Variants in PPP1R3B observed in about 807,000 individuals in gnomAD.
PPP1R3B encodes PP1 subunit R4.
In PPP1R3B, 8 loss-of-function variants were observed where a neutral mutation model predicts 14.6. The observed-to-expected ratio is 0.55, with a 90% CI of 0.32 to 0.99. The LOEUF is 0.99. Ranked by LOEUF, PPP1R3B falls within the 50% of genes least tolerant of loss-of-function variation. PPP1R3B has a pLI of 0.04. For missense variants in PPP1R3B, 452 were observed against 360.1 expected (o/e 1.26, Z -2.07); for synonymous variants, 169 against 142.0 (o/e 1.19, Z -1.35).
chr8:9,147,056 C>G (rs1230802421), intron 1 of PPP1R3B, among the ~76,000 whole-genome samples: 2 of 151,758 alleles, frequency 1.3e-5, no homozygotes, highest in African/African-American at 2.4e-5. Flanking sequence ...AATCTCAGCT[C>G]ACTGCAACCT....
intron 1 of PPP1R3B, chr8:9,145,184 C>T (rs1379625089): frequency 1.3e-5 from 2 of 151,884 alleles, no homozygotes; most frequent in Non-Finnish European, 2.9e-5. Flanking sequence ...TAAAATTGTA[C>T]ATAGAAACTA....
At position 9,140,587 on chromosome 8, in the gene PPP1R3B, G is replaced by A. The variant is rs1801040535; in HGVS notation, c.*207C>T. The A allele has an allele frequency of 1.1e-5, 7 of 612,018 alleles. No homozygotes were observed. The South Asian group carries it at 1.2e-4, about 11-fold the overall frequency. The allele number at this position is 612,018 out of a possible 1,614,324, so 37.9% of individuals were successfully genotyped here. A position where few individuals can be genotyped will look rare whatever the true frequency, so the allele number is the denominator to read the frequency against. On this transcript the variant is annotated 3_prime_UTR_variant, in exon 2 of 2. Coordinates refer to ENST00000310455, the MANE Select transcript of PPP1R3B (RefSeq NM_024607.4). ...GTGCGAAAGCGCGCCAGCCACCACTGCTCCTTTGAGTGAGACACTGGTTGT... is the reference window on the plus strand; with the variant it reads ...GTGCGAAAGCGCGCCAGCCACCACTACTCCTTTGAGTGAGACACTGGTTGT...
rs1015265892 is a variant in PPP1R3B at position 9,138,348 on chromosome 8, A to T, written c.*2446T>A. ...AAATTATAACATCATGTCATCCTAG[A>T]GTGTTACCCACCTGGGAGAGGTACA... On this transcript the variant is annotated 3_prime_UTR_variant, in exon 2 of 2. Transcript: ENST00000310455. 6 of 152,232 alleles carry T rather than the reference A, an allele frequency of 3.9e-5. No homozygotes were observed. The highest frequency in any genetic ancestry group is 8.8e-5 in the Non-Finnish European group (6 of 68,042). The allele number at this position is 152,232 out of a possible 1,614,324, so 9.4% of individuals were successfully genotyped here.
chr8:9,151,011 G>A (rs921750295), upstream of PPP1R3B, among the ~76,000 whole-genome samples: 6 of 152,088 alleles, frequency 3.9e-5, no homozygotes, highest in African/African-American at 1.4e-4. Flanking sequence ...CCGGGGCTGG[G>A]AACTTGTGCT....
At chr8:9,143,080 C>T (rs1471171083) in intron 1 of PPP1R3B, among the ~76,000 whole-genome samples, 1 of 152,136 alleles carries the variant, frequency 6.6e-6, no homozygotes, top group Non-Finnish European at 1.5e-5. Flanking sequence ...TGAGGAGCCT[C>T]CCTACTATTT....
chr8:9,141,297 C>T lies in PPP1R3B; in HGVS notation c.355G>A (p.Ala119Thr), dbSNP rs771689160. ...SFVLDFSQPS[A>T]DYLDFRNRLQ... is the part of the protein sequence containing the mutation. ...CGATTTCTAAAGTCTAAGTAATCTG[C>T]AGAGGGCTGGGAAAAATCCAGAACA... is the stretch of plus-strand genomic sequence containing the variant. Residue 119 changes from alanine (A) to threonine (T), a missense_variant, in exon 2 of 2, where the codon GCA (alanine) becomes ACA (threonine). By Grantham distance (58) the Ala-to-Thr change is moderately conservative. Transcript: ENST00000310455. 5.6e-6 allele frequency: 9 copies of T among 1,614,128 alleles called. No individual in the cohort carries two copies. The Admixed American group carries it at 1.5e-4, about 27-fold the overall frequency.
intron 1 of PPP1R3B, among the ~76,000 whole-genome samples, chr8:9,149,461 G>T (rs977192860): frequency 6.6e-6 from 1 of 152,086 alleles, no homozygotes; most frequent in African/African-American, 2.4e-5. Flanking sequence ...CAGAGATGGC[G>T]CCACTGCACT....
chr8:9,147,401 A>C (rs1331188488), intron 1 of PPP1R3B, among the ~76,000 whole-genome samples: 1 of 152,142 alleles, frequency 6.6e-6, no homozygotes, highest in Non-Finnish European at 1.5e-5. Flanking sequence ...GAACTGAGGG[A>C]GGAAGGGTTC....
Position 9,140,853 on chromosome 8 carries a change from CAT to C in PPP1R3B, c.797_798del (p.Tyr266TrpfsTer13), listed in dbSNP as rs1801052123. 1 of 1,614,132 alleles carries C rather than the reference CAT, an allele frequency of 6.2e-7. No homozygotes were observed. ...FDQFGSPRCS[Y>X]GLFPEWPSYL... Reference sequence around the variant, plus strand: ...TAACTTGGCCACTCTGGAAACAGACCATAGGAACACCGAGGGCTTCCGAACTG... The same window carrying C: ...TAACTTGGCCACTCTGGAAACAGACCAGGAACACCGAGGGCTTCCGAACTG... On this transcript the variant is annotated frameshift_variant, in exon 2 of 2. Transcript: ENST00000310455. LOFTEE classifies it high-confidence loss of function.
chr8:9,148,039 G>A (rs190000764), intron 1 of PPP1R3B, among the ~76,000 whole-genome samples: 2 of 152,220 alleles, frequency 1.3e-5, no homozygotes, highest in East Asian at 3.9e-4. Context: ...CCCACAGATA[G>A]CTTCCAGATT....
Position 9,144,804 on chromosome 8 carries a change from G to C in PPP1R3B, c.-17-3136C>G, listed in dbSNP as rs146919642. On this transcript the variant is annotated intron_variant, in intron 1 of 1. Transcript: ENST00000310455. Reference sequence around the variant, plus strand: ...CGTGTCACCCAGGCTGGAGTGCAATGGCACAATCTCGGTTCACTGCAACCT... The same window carrying C: ...CGTGTCACCCAGGCTGGAGTGCAATCGCACAATCTCGGTTCACTGCAACCT... 9.9e-3 allele frequency among the ~76,000 whole-genome samples: 1,515 copies of C among 152,272 alleles called. 22 individuals are homozygous for C. The highest frequency in any genetic ancestry group is 0.032 in the African/African-American group (1,336 of 41,548).
Position 9,141,246 on chromosome 8 carries a change from C to T in PPP1R3B, c.406G>A (p.Glu136Lys). The change falls in exon 2 of 2, where the codon GAG (glutamate) becomes AAG (lysine). Residue 136 changes from glutamate to lysine, a missense_variant. Glu to Lys is a moderately conservative substitution (Grantham distance 56, BLOSUM62 1). Coordinates refer to ENST00000310455, the MANE Select transcript of PPP1R3B (RefSeq NM_024607.4). ...GCCTTGTCCTTGAGCACACAGTTCTCAAGGCAGACGTGGTCGGCCTGAAGT... is the reference window on the plus strand; with the variant it reads ...GCCTTGTCCTTGAGCACACAGTTCTTAAGGCAGACGTGGTCGGCCTGAAGT... The part of the protein sequence containing the change: ...NRLQADHVCL[E>K]NCVLKDKAIA... 3 of 1,614,182 alleles carry T rather than the reference C, an allele frequency of 1.9e-6. No homozygotes were observed. The highest frequency in any genetic ancestry group is 1.7e-6 in the Non-Finnish European group (2 of 1,180,034).
Position 9,140,908 on chromosome 8 carries a change from A to G in PPP1R3B, c.744T>C (p.Ser248=). The change falls in exon 2 of 2, where the codon AGT becomes AGC. Residue 248 remains serine (S), a synonymous_variant. Coordinates refer to ENST00000310455, the MANE Select transcript of PPP1R3B (RefSeq NM_024607.4). ...CAAAGGATATTCCCAAATCCGGTCCACTGTGGGGCTTGGTCATTCCCTGGG... is the reference window on the plus strand; with the variant it reads ...CAAAGGATATTCCCAAATCCGGTCCGCTGTGGGGCTTGGTCATTCCCTGGG... The part of the protein sequence containing the change: ...KSTQGMTKPH[S]GPDLGISFDQ... 1 of 1,614,218 alleles carries G rather than the reference A, an allele frequency of 6.2e-7. No individual in the cohort carries two copies. The highest frequency in any genetic ancestry group is 1.1e-5 in the South Asian group (1 of 91,084).
intron 1 of PPP1R3B, among the ~76,000 whole-genome samples, chr8:9,149,305 C>G (rs983068861): frequency 6.6e-6 from 1 of 150,958 alleles, no homozygotes; most frequent in East Asian, 2.0e-4. Flanking sequence ...TCGACACCAT[C>G]CTGGCTAACA....
intron 1 of PPP1R3B, among the ~76,000 whole-genome samples, chr8:9,145,026 G>A (rs143312437): frequency 6.6e-6 from 1 of 152,014 alleles, no homozygotes; most frequent in Admixed American, 6.5e-5. Context: ...GATTGCAGGC[G>A]GGGAGCCATC....
At chr8:9,148,061 G>C (rs964246715) in intron 1 of PPP1R3B, among the ~76,000 whole-genome samples, 1 of 152,108 alleles carries the variant, frequency 6.6e-6, no homozygotes, top group Non-Finnish European at 1.5e-5. Flanking sequence ...TATTTACCAG[G>C]TCATTCTCCA....
chr8:9,148,475 GAGT>G (rs1260989118), intron 1 of PPP1R3B, among the ~76,000 whole-genome samples: 1 of 152,204 alleles, frequency 6.6e-6, no homozygotes, highest in Admixed American at 6.5e-5. Context: ...GGATAGGAAT[GAGT>G]GTATGAGTGC....
Position 9,136,355 on chromosome 8 carries a change from T to G in PPP1R3B, c.*4439A>C, listed in dbSNP as rs1800888676. On this transcript the variant is annotated 3_prime_UTR_variant, in exon 2 of 2. Coordinates refer to ENST00000310455, the MANE Select transcript of PPP1R3B (RefSeq NM_024607.4). ...CATTCTTGGGATTTTTAAAGTGCAT[T>G]TCCCCTTGAACTCTGTGTACAAAAA... The G allele has an allele frequency of 6.6e-6, 1 of 152,256 alleles. No individual in the cohort carries two copies. Among genetic ancestry groups the G allele is most frequent in the Admixed American group, 6.5e-5 (1 of 15,286 alleles). The allele number at this position is 152,256 out of a possible 1,614,324, so 9.4% of individuals were successfully genotyped here. A position where few individuals can be genotyped will look rare whatever the true frequency, so the allele number is the denominator to read the frequency against.
chr8:9,139,294 T>C lies in PPP1R3B; in HGVS notation c.*1500A>G, dbSNP rs1321538660. The C allele has an allele frequency of 6.6e-6, 1 of 152,096 alleles. No individual in the cohort carries two copies. Among genetic ancestry groups the C allele is most frequent in the Non-Finnish European group, 1.5e-5 (1 of 68,014 alleles). 9.4% of individuals were successfully genotyped at this position (152,096 alleles called of 1,614,324 possible). A position where few individuals can be genotyped will look rare whatever the true frequency, so the allele number is the denominator to read the frequency against. On this transcript the variant is annotated 3_prime_UTR_variant, in exon 2 of 2. Transcript: ENST00000310455. Reference sequence around the variant, plus strand: ...GTTAAGAACAATGAATCTCTGAAATTTCAGAGTTGGCAAACGTTTAAAATA... The same window carrying C: ...GTTAAGAACAATGAATCTCTGAAATCTCAGAGTTGGCAAACGTTTAAAATA...
Sources: gnomAD v4.1 joint callset for allele counts (sites outside exome capture counted in the v4.1 genomes callset) on GRCh38, gnomAD v4.1.1 for gene constraint, MANE v1.5 for transcripts, NCBI Gene and HGNC (gene_info 2026-07-23, HGNC 2026-07-21) for gene names.